The following PLCB4 variants were observed in gnomAD, a reference collection of about 807,000 sequenced individuals.
The protein encoded by PLCB4 is 1-phosphatidylinositol 4,5-bisphosphate phosphodiesterase beta-4.
In PLCB4, 77 loss-of-function variants were observed where a neutral mutation model predicts 178.8. The observed-to-expected ratio is 0.43, with a 90% CI of 0.36 to 0.52. The LOEUF (loss-of-function observed/expected upper bound fraction) is 0.52. Ranked by LOEUF, PLCB4 falls within the 20% of genes least tolerant of loss-of-function variation. The probability of loss-of-function intolerance (pLI) is 0.00; values close to 1 mark genes in which losing one functional copy is unlikely to be tolerated. For missense variants in PLCB4, 1,024 were observed against 1,453.4 expected, an observed-to-expected ratio of 0.70 and a Z score of 4.80; for synonymous variants, 496 against 490.8, an observed-to-expected ratio of 1.01 and a Z score of -0.14.
chr20:9,275,163 T>A (rs2094439931), intron 3 of PLCB4, among the ~76,000 whole-genome samples: 2 of 151,800 alleles, frequency 1.3e-5, no homozygotes, highest in African/African-American at 4.8e-5. Context: ...CAGTTCCACA[T>A]GGATGGGGAG....
chr20:9,299,117 C>T (rs1227288605), intron 3 of PLCB4, among the ~76,000 whole-genome samples: 1 of 151,982 alleles, frequency 6.6e-6, no homozygotes, highest in Admixed American at 6.6e-5. Flanking sequence ...TGAAGGCTCC[C>T]ATTGTACAGG....
chr20:9,425,450 A>G (rs544127280), intron 28 of PLCB4, among the ~76,000 whole-genome samples: 2 of 152,378 alleles, frequency 1.3e-5, no homozygotes, highest in East Asian at 3.9e-4. Flanking sequence ...TAGAAAAGGG[A>G]AAGAAATCAT....
At chr20:9,242,789 G>C (rs2094079514) in intron 3 of PLCB4, among the ~76,000 whole-genome samples, 1 of 152,150 alleles carries the variant, frequency 6.6e-6, no homozygotes, top group Non-Finnish European at 1.5e-5. Context: ...TAGAAATGCA[G>C]ATTCTCAGGC....
intron 4 of PLCB4, among the ~76,000 whole-genome samples, chr20:9,323,867 C>T (rs1447622910): frequency 6.6e-6 from 1 of 152,186 alleles, no homozygotes; most frequent in African/African-American, 2.4e-5. Context: ...GCAATGTTCT[C>T]AGCTGTACTG....
intron 2 of PLCB4, among the ~76,000 whole-genome samples, chr20:9,160,446 G>A (rs548960872): frequency 6.1e-4 from 93 of 152,308 alleles, no homozygotes; most frequent in African/African-American, 2.1e-3. Context: ...GTAAATGAAC[G>A]CACAGAGTTA....
chr20:9,407,586 G>A (rs79230656), intron 21 of PLCB4, among the ~76,000 whole-genome samples: 4,970 of 152,172 alleles, frequency 0.033, 263 homozygotes, highest in East Asian at 0.25. Context: ...CGCCAAGTTT[G>A]TCTTGAACTC....
At chr20:9,163,096 T>A (rs569802918) in intron 2 of PLCB4, among the ~76,000 whole-genome samples, 1 of 152,188 alleles carries the variant, frequency 6.6e-6, no homozygotes, top group South Asian at 2.1e-4. Context: ...CTGATTTTAG[T>A]ACCAAGAGAT....
intron 12 of PLCB4, among the ~76,000 whole-genome samples, chr20:9,376,854 CT>C (rs1226350480): frequency 6.6e-6 from 1 of 152,112 alleles, no homozygotes; most frequent in Non-Finnish European, 1.5e-5. Context: ...AGTAGCTTTA[CT>C]TTCTTGTTGC....
chr20:9,091,882 T>A (rs752599628), intron 1 of PLCB4, among the ~76,000 whole-genome samples: 3 of 152,134 alleles, frequency 2.0e-5, no homozygotes, highest in Admixed American at 6.6e-5. Context: ...AAGTAATCTC[T>A]ATGTAGTTTT....
chr20:9,145,880 GCAGTACTGTCTCAA>G (rs1568834088), intron 2 of PLCB4, among the ~76,000 whole-genome samples: 1 of 152,074 alleles, frequency 6.6e-6, no homozygotes, highest in East Asian at 1.9e-4. Flanking sequence ...CTTCCAGGAA[GCAGTACTGTCTCAA>G]CTGATACATA....
chr20:9,181,912 AT>A (rs61266741), intron 2 of PLCB4, among the ~76,000 whole-genome samples: 26,068 of 152,098 alleles, frequency 0.17, 2,602 homozygotes, highest in South Asian at 0.24. Flanking sequence ...AAGATCAATA[AT>A]AGGGGTTCTA....
intron 2 of PLCB4, among the ~76,000 whole-genome samples, chr20:9,145,509 C>CT (rs59068139): frequency 8.0e-4 from 114 of 142,666 alleles, no homozygotes; most frequent in Non-Finnish European, 9.3e-4. Flanking sequence ...TATCAAAGTT[C>CT]TTTTTTTTTT....
chr20:9,269,186 A>G (rs901346698), intron 3 of PLCB4, among the ~76,000 whole-genome samples: 1 of 152,196 alleles, frequency 6.6e-6, no homozygotes, highest in Non-Finnish European at 1.5e-5. Context: ...ACAGAAAAGG[A>G]TATATTTAAA....
chr20:9,299,789 A>G (rs559599469), intron 3 of PLCB4, among the ~76,000 whole-genome samples: 10 of 152,172 alleles, frequency 6.6e-5, no homozygotes, highest in African/African-American at 1.4e-4. Flanking sequence ...ACACATTTAC[A>G]TAGGATAAAT....
In PLCB4 at chr20:9,437,030, C is replaced by T. The variant is rs767971018; in HGVS notation, c.2642C>T (p.Thr881Ile). Residue 881 changes from threonine (T) to isoleucine (I), a missense_variant, in exon 30 of 40, where the codon ACT (threonine) becomes ATT (isoleucine). Physicochemically the swap from Thr to Ile is moderately conservative, Grantham distance 89 (BLOSUM62 -1). Transcript: ENST00000378473. Reference sequence around the variant, plus strand: ...GACATAGCCGACGTGCCCAGTGACACTTCCAAAAATGACAAGAAAGGAAAG... The same window carrying T: ...GACATAGCCGACGTGCCCAGTGACATTTCCAAAAATGACAAGAAAGGAAAG... ...TSDIADVPSD[T>I]SKNDKKGKAN... 2.7e-5 allele frequency: 43 copies of T among 1,613,944 alleles called. No homozygotes were observed. The highest frequency in any genetic ancestry group is 3.5e-5 in the Non-Finnish European group (41 of 1,179,964).
At chr20:9,175,103 A>T (rs2093132499) in intron 2 of PLCB4, among the ~76,000 whole-genome samples, 1 of 152,210 alleles carries the variant, frequency 6.6e-6, no homozygotes. Flanking sequence ...CACCATCAGC[A>T]TCAGCATTAC....
chr20:9,322,999 G>A (rs1369050606), intron 4 of PLCB4, among the ~76,000 whole-genome samples: 1 of 152,142 alleles, frequency 6.6e-6, no homozygotes, highest in Non-Finnish European at 1.5e-5. Context: ...AAGTAAGATG[G>A]ATTTTTTAAA....
intron 3 of PLCB4, among the ~76,000 whole-genome samples, chr20:9,268,995 A>G (rs1438226949): frequency 1.3e-5 from 2 of 152,208 alleles, no homozygotes; most frequent in Non-Finnish European, 2.9e-5. Context: ...CAAGGTGGGT[A>G]AGCATATTGA....
At chr20:9,393,061 A>G (rs1198692523) in intron 17 of PLCB4, among the ~76,000 whole-genome samples, 1 of 152,126 alleles carries the variant, frequency 6.6e-6, no homozygotes, top group Non-Finnish European at 1.5e-5. Context: ...GATTCCAGGA[A>G]TTGGAACAAC....
Sources: allele counts gnomAD v4.1 joint callset (sites outside exome capture counted in the v4.1 genomes callset), GRCh38; gene constraint gnomAD v4.1.1; transcripts MANE v1.5; gene names NCBI Gene and HGNC (gene_info 2026-07-23, HGNC 2026-07-21).